STK35: variants seen among roughly 807,000 people sequenced by gnomAD.
STK35 encodes the protein serine/threonine-protein kinase 35.
A neutral mutation model predicts 37.3 loss-of-function variants in STK35; 17 were observed. That is an observed-to-expected ratio of 0.46 (90% CI 0.31 to 0.68). The LOEUF (loss-of-function observed/expected upper bound fraction) is 0.68, where lower values mean the gene tolerates loss of function less well. STK35 is among the 30% of genes least tolerant of loss of function. The pLI, the probability that STK35 is intolerant of heterozygous loss-of-function variation, is 0.05. For synonymous variants in STK35, 385 were observed against 319.1 expected (o/e 1.21, Z -2.20); for missense variants, 595 against 746.7 (o/e 0.80, Z 2.37).
At chr20:2,107,627 G>A (rs189051258) in intron 2 of STK35, among the ~76,000 whole-genome samples, 37 of 152,306 alleles carry the variant, frequency 2.4e-4, no homozygotes, top group Admixed American at 1.8e-3. Flanking sequence ...GCAGGGGAAG[G>A]AAGAAGCTGA....
intron 2 of STK35, among the ~76,000 whole-genome samples, chr20:2,114,783 G>C (rs780812634): frequency 2.2e-4 from 34 of 152,138 alleles, no homozygotes; most frequent in Non-Finnish European, 5.9e-5. Flanking sequence ...TACTAACTTT[G>C]TATATAAAAT....
chr20:2,102,625 C>A, intron 1 of STK35, 143 bp from the exon 2 acceptor site: 1 of 724,892 alleles, frequency 1.4e-6, no homozygotes, highest in Non-Finnish European at 2.0e-6. Flanking sequence ...TTTCCCCTCC[C>A]CTCCCCCGTT....
chr20:2,144,062 A>C lies in STK35; in HGVS notation c.*316A>C. ...GGCACCAATTTCTTTAAAGAAATTC[A>C]ATGTGGGCAAGGCATATGTGTAAAT... On this transcript the variant is annotated 3_prime_UTR_variant, in exon 4 of 4. Transcript: ENST00000381482. 1 of 357,020 alleles carries C rather than the reference A, an allele frequency of 2.8e-6. No homozygotes were observed. The highest frequency in any genetic ancestry group is 8.6e-5 in the East Asian group (1 of 11,692). 22.1% of individuals were successfully genotyped at this position (357,020 alleles called of 1,614,324 possible).
chr20:2,132,599 C>T (rs1315271118), intron 3 of STK35, among the ~76,000 whole-genome samples: 3 of 152,208 alleles, frequency 2.0e-5, no homozygotes, highest in African/African-American at 4.8e-5. Context: ...GTCAGTCCCC[C>T]AGGAGGGGAA....
intron 3 of STK35, among the ~76,000 whole-genome samples, chr20:2,120,909 G>A (rs1324104763): frequency 6.6e-6 from 1 of 152,138 alleles, no homozygotes; most frequent in Non-Finnish European, 1.5e-5. Flanking sequence ...TGGTGGGGAG[G>A]GGTGGGGATG....
chr20:2,121,268 C>A (rs983165752), intron 3 of STK35, among the ~76,000 whole-genome samples: 1 of 152,116 alleles, frequency 6.6e-6, no homozygotes, highest in African/African-American at 2.4e-5. Context: ...GAGGCTGTTG[C>A]AATAATCCAG....
rs531518213 is a variant in STK35 at position 2,103,521 on chromosome 20, G to A, written c.892+156G>A. 3.9e-5 allele frequency among the ~76,000 whole-genome samples: 6 copies of A among 152,204 alleles called. No homozygotes were observed. In the South Asian group the frequency reaches 1.2e-3, roughly 32 times the overall value. On this transcript the variant is annotated intron_variant, in intron 2 of 3. Coordinates refer to ENST00000381482, the MANE Select transcript of STK35 (RefSeq NM_080836.4). Reference sequence around the variant, plus strand: ...CCTCCTTTCCTGGGCCCAGGCATTCGGCCCTCTCTTCTCAGGTCCTAAGAT... The same window carrying A: ...CCTCCTTTCCTGGGCCCAGGCATTCAGCCCTCTCTTCTCAGGTCCTAAGAT...
chr20:2,114,521 T>C (rs1985678577), intron 2 of STK35, among the ~76,000 whole-genome samples: 1 of 152,176 alleles, frequency 6.6e-6, no homozygotes, highest in Admixed American at 6.5e-5. Context: ...CCACTGTTAC[T>C]GGGTGTGATT....
At chr20:2,124,728 C>G (rs1356013924) in intron 3 of STK35, among the ~76,000 whole-genome samples, 1 of 152,146 alleles carries the variant, frequency 6.6e-6, no homozygotes, top group African/African-American at 2.4e-5. Flanking sequence ...GAAATTGAAG[C>G]TCAGTCTTCA....
intron 2 of STK35, among the ~76,000 whole-genome samples, chr20:2,113,266 A>C (rs1480285151): frequency 6.6e-6 from 1 of 152,218 alleles, no homozygotes; most frequent in East Asian, 1.9e-4. Flanking sequence ...CATCTGCAGA[A>C]TGTGCCAGCA....
chr20:2,116,598 C>T (rs1985721581), intron 2 of STK35, 68 bp from the exon 3 acceptor site: 2 of 1,498,536 alleles, frequency 1.3e-6, no homozygotes, highest in Middle Eastern at 2.0e-4. Flanking sequence ...TACACTGCAT[C>T]CTTTAGTTAA....
chr20:2,107,885 A>G (rs1985546574), intron 2 of STK35, among the ~76,000 whole-genome samples: 2 of 152,222 alleles, frequency 1.3e-5, no homozygotes, highest in African/African-American at 4.8e-5. Context: ...AACACAATAC[A>G]ATAAAATGCT....
At chr20:2,135,336 C>A (rs927117568) in intron 3 of STK35, among the ~76,000 whole-genome samples, 2 of 152,064 alleles carry the variant, frequency 1.3e-5, no homozygotes, top group Non-Finnish European at 2.9e-5. Flanking sequence ...AAAGGGTGGA[C>A]CCCTGCTGAG....
chr20:2,115,942 A>G (rs958786113), intron 2 of STK35, among the ~76,000 whole-genome samples: 3 of 151,976 alleles, frequency 2.0e-5, no homozygotes, highest in East Asian at 1.9e-4. Context: ...GGAGATGTAC[A>G]TTCAGATCTG....
chr20:2,130,577 G>A (rs543414129), intron 3 of STK35, among the ~76,000 whole-genome samples: 4 of 152,206 alleles, frequency 2.6e-5, no homozygotes, highest in South Asian at 2.1e-4. Flanking sequence ...TGGGCATCTC[G>A]CTCTCTCTTT....
At position 2,103,331 on chromosome 20, in the gene STK35, G is replaced by T; in HGVS notation, c.858G>T (p.Gln286His). ...TGAGTCACGGCAACAAGAGCTCGCA[G>T]CTTTACCTGCGCCTGGTGGAGACCT... ...QRMSHGNKSSQLYLRLVETSL... is the reference protein window; with the variant it reads ...QRMSHGNKSSHLYLRLVETSL... Residue 286 changes from glutamine to histidine, a missense_variant, in exon 2 of 4, where the codon CAG becomes CAT. Gln to His is a conservative substitution (Grantham distance 24). Transcript: ENST00000381482. 6.2e-7 allele frequency: 1 copy of T among 1,612,658 alleles called. No homozygotes were observed. Among genetic ancestry groups the T allele is most frequent in the Non-Finnish European group, 8.5e-7 (1 of 1,179,538 alleles).
At chr20:2,130,955 C>T (rs553332420) in intron 3 of STK35, among the ~76,000 whole-genome samples, 1 of 152,162 alleles carries the variant, frequency 6.6e-6, no homozygotes, top group African/African-American at 2.4e-5. Flanking sequence ...TTCCCTGGAA[C>T]CCCCTGGGGA....
chr20:2,121,122 G>C (rs1311370052), intron 3 of STK35, among the ~76,000 whole-genome samples: 1 of 152,230 alleles, frequency 6.6e-6, no homozygotes, highest in African/African-American at 2.4e-5. Flanking sequence ...TAGGAGCCAA[G>C]TAGGCCTCGT....
At position 2,117,140 on chromosome 20, in the gene STK35, C is replaced by G. The variant is rs1399360864; in HGVS notation, c.1367C>G (p.Ser456Cys). 1 of 1,613,924 alleles carries G rather than the reference C, an allele frequency of 6.2e-7. No homozygotes were observed. The highest frequency in any genetic ancestry group is 1.1e-5 in the South Asian group (1 of 91,074). ...ATAGAAAGAATCACTTTTATTGACTCTGAGACCAAGAAGGAGCTCCTGGGG... is the reference window on the plus strand; with the variant it reads ...ATAGAAAGAATCACTTTTATTGACTGTGAGACCAAGAAGGAGCTCCTGGGG... ...AMIERITFID[S>C]ETKKELLGTY... Residue 456 changes from serine to cysteine, a missense_variant, in exon 3 of 4, where the codon TCT becomes TGT. Ser to Cys is a moderately radical substitution (Grantham distance 112). Around this residue, in one of 3 missense-constraint regions of STK35, gnomAD observed 109 missense variants for 280.3 expected, o/e 0.39. Transcript: ENST00000381482. This position sits in a 1 kb window ranked among gnomAD's most constrained non-coding sequence, Gnocchi z 4.4.
Sources: gnomAD v4.1 joint callset for allele counts (sites outside exome capture counted in the v4.1 genomes callset) on GRCh38, gnomAD v4.1.1 for gene constraint, gnomAD v4.1.1 regional missense constraint, Gnocchi (gnomAD v3.1) non-coding constraint, MANE v1.5 for transcripts, NCBI Gene and HGNC (gene_info 2026-07-23, HGNC 2026-07-21) for gene names.